PRKCH: variants seen among roughly 807,000 people sequenced by gnomAD.
PRKCH encodes the protein protein kinase C eta.
A neutral mutation model predicts 82.5 loss-of-function variants in PRKCH; 28 were observed. That is an observed-to-expected ratio of 0.34 (90% CI 0.25 to 0.47). The LOEUF (loss-of-function observed/expected upper bound fraction) is 0.47. Among genes scored for constraint, PRKCH ranks in the 20% least tolerant of loss-of-function variants. The probability of loss-of-function intolerance (pLI) is 1.00; values close to 1 mark genes in which losing one functional copy is unlikely to be tolerated. For synonymous variants in PRKCH, 322 were observed against 327.4 expected, an observed-to-expected ratio of 0.98 and a Z score of 0.18; for missense variants, 705 against 881.8, an observed-to-expected ratio of 0.80 and a Z score of 2.54.
intron 1 of PRKCH, among the ~76,000 whole-genome samples, chr14:61,341,831 A>G (rs116182845): frequency 0.014 from 2,155 of 152,272 alleles, 53 homozygotes; most frequent in African/African-American, 0.05. Flanking sequence ...ACAATGCTTA[A>G]GTGCTTTTTA....
chr14:61,267,794 T>C (rs1380843743), intron 1 of PRKCH, among the ~76,000 whole-genome samples: 1 of 152,202 alleles, frequency 6.6e-6, no homozygotes, highest in East Asian at 1.9e-4. Flanking sequence ...ATTTATTGAA[T>C]TTAAGATGTC....
At chr14:61,402,096 TG>T (rs1881654319) in intron 2 of PRKCH, among the ~76,000 whole-genome samples, 1 of 152,364 alleles carries the variant, frequency 6.6e-6, no homozygotes, top group East Asian at 1.9e-4. Flanking sequence ...TCTTTTCTCA[TG>T]AGTTTGTTGT....
At chr14:61,218,075 T>C (rs2044627544) in intron 1 of PRKCH, among the ~76,000 whole-genome samples, 1 of 152,224 alleles carries the variant, frequency 6.6e-6, no homozygotes, top group Non-Finnish European at 1.5e-5. Context: ...CATGCTTACC[T>C]TGACTTCTCT....
At chr14:61,375,091 C>T (rs571563298) in intron 1 of PRKCH, among the ~76,000 whole-genome samples, 7 of 152,170 alleles carry the variant, frequency 4.6e-5, no homozygotes, top group Non-Finnish European at 1.0e-4. Context: ...GGAATTTCTA[C>T]TGCCAGTTAC....
At chr14:61,314,191 C>CT (rs11392422) in intron 1 of PRKCH, among the ~76,000 whole-genome samples, 137,471 of 152,012 alleles carry the variant, frequency 0.9, 62,409 homozygotes, top group East Asian at 0.98. Context: ...TGTATGAAGT[C>CT]TTTTTTTGTG....
chr14:61,549,824 AAC>A lies in PRKCH; in HGVS notation c.2046_2047del (p.Gln682HisfsTer34). 2 of 1,613,928 alleles carry A rather than the reference AAC, an allele frequency of 1.2e-6. No homozygotes were observed. Among genetic ancestry groups the A allele is most frequent in the Non-Finnish European group, 8.5e-7 (1 of 1,179,966 alleles). The stretch of plus-strand genomic sequence containing the variant: ...TTTTCCTATGTGTCTCCAGAATTGC[AAC>A]CATAGCCTTATGGGGAGTGAGAGAG... On this transcript the variant is annotated frameshift_variant, in exon 14 of 14. Coordinates refer to ENST00000332981, the MANE Select transcript of PRKCH (RefSeq NM_006255.5). LOFTEE classifies it high-confidence loss of function.
intron 10 of PRKCH, among the ~76,000 whole-genome samples, chr14:61,515,967 T>A (rs985719783): frequency 2.0e-5 from 3 of 152,162 alleles, no homozygotes; most frequent in Non-Finnish European, 4.4e-5. Flanking sequence ...CAGGAACTGT[T>A]GTTATCTACA....
intron 1 of PRKCH, among the ~76,000 whole-genome samples, chr14:61,338,496 G>A (rs971410569): frequency 1.3e-5 from 2 of 152,032 alleles, no homozygotes; most frequent in Admixed American, 1.3e-4. Flanking sequence ...TGAATCCTAG[G>A]TTCCTCAAAC....
chr14:61,358,501 C>T (rs915554227), intron 1 of PRKCH, among the ~76,000 whole-genome samples: 2 of 152,132 alleles, frequency 1.3e-5, no homozygotes, highest in Non-Finnish European at 1.5e-5. Context: ...TCTTGATTCC[C>T]ATTACCACTA....
chr14:61,242,374 C>T (rs1469004329), intron 1 of PRKCH, among the ~76,000 whole-genome samples: 1 of 152,098 alleles, frequency 6.6e-6, no homozygotes, highest in Non-Finnish European at 1.5e-5. Flanking sequence ...TTTCAGCAGG[C>T]AATGCTTATT....
chr14:61,447,844 A>G (rs1263480310), intron 4 of PRKCH, among the ~76,000 whole-genome samples: 1 of 152,218 alleles, frequency 6.6e-6, no homozygotes, highest in African/African-American at 2.4e-5. Context: ...AGGAAAGTAG[A>G]AAGATCTAAA....
In PRKCH at chr14:61,405,228, GTC is replaced by G. The variant is rs1421086286; in HGVS notation, c.427+13942_427+13943del. On this transcript the variant is annotated intron_variant, in intron 2 of 13. Transcript: ENST00000332981. Reference sequence around the variant, plus strand: ...TAAGCATTAAAAGTTCAAATTGACTGTCTGGAAATCTATAACAAGTCCATGCA... The same window carrying G: ...TAAGCATTAAAAGTTCAAATTGACTGTGGAAATCTATAACAAGTCCATGCA... 1.2e-4 allele frequency among the ~76,000 whole-genome samples: 18 copies of G among 152,284 alleles called. 1 individual carries two copies. The East Asian group carries it at 3.5e-3, about 29-fold the overall frequency.
At chr14:61,342,288 A>G (rs1340836320) in intron 1 of PRKCH, among the ~76,000 whole-genome samples, 1 of 152,078 alleles carries the variant, frequency 6.6e-6, no homozygotes, top group Admixed American at 6.5e-5. Flanking sequence ...TAATATGATC[A>G]ACCTAACTCA....
chr14:61,289,374 C>G (rs192138302), intron 1 of PRKCH, among the ~76,000 whole-genome samples: 3 of 152,254 alleles, frequency 2.0e-5, no homozygotes, highest in Admixed American at 1.3e-4. Flanking sequence ...CTGTATTACT[C>G]CAGAAAATGA....
In PRKCH at chr14:61,290,299, G is replaced by GAA. The variant is rs200145873; in HGVS notation, c.-19+102642_-19+102643dup. ...AGAGAGAGACTCCATCTCAAAAAAA[G>GAA]AAAAAAAAAAAAGTAAGAATAATGT... is the stretch of plus-strand genomic sequence containing the variant. On this transcript the variant is annotated intron_variant, in intron 1 of 3. Coordinates refer to the PRKCH transcript ENST00000555185. Among the ~76,000 whole-genome samples, 249 of 140,260 alleles carry GAA rather than the reference G, an allele frequency of 1.8e-3. 2 individuals carry two copies. Among genetic ancestry groups the GAA allele is most frequent in the Middle Eastern group, 0.011 (3 of 276 alleles). The allele number at this position is 140,260 out of a possible 152,430, so 92.0% of individuals were successfully genotyped here.
At chr14:61,436,514 G>C (rs1418939937) in intron 2 of PRKCH, among the ~76,000 whole-genome samples, 1 of 152,096 alleles carries the variant, frequency 6.6e-6, no homozygotes, top group African/African-American at 2.4e-5. Flanking sequence ...GCCATTGAGG[G>C]GGCTTTTGCT....
At chr14:61,445,889 C>T (rs1392431127) in intron 4 of PRKCH, among the ~76,000 whole-genome samples, 163 bp downstream of exon 4, 1 of 151,194 alleles carries the variant, frequency 6.6e-6, no homozygotes, top group Non-Finnish European at 1.5e-5. Flanking sequence ...TTGGTGAGAT[C>T]TTGGCCATAT....
chr14:61,471,134 A>G (rs991790520), intron 9 of PRKCH, among the ~76,000 whole-genome samples: 1 of 152,264 alleles, frequency 6.6e-6, no homozygotes, highest in Non-Finnish European at 1.5e-5. Context: ...TCTGCTGTCT[A>G]TAGAAGGAGG....
At chr14:61,475,822 A>G (rs544925030) in intron 9 of PRKCH, among the ~76,000 whole-genome samples, 29 of 152,212 alleles carry the variant, frequency 1.9e-4, no homozygotes, top group Non-Finnish European at 3.5e-4. Context: ...AATCTAGTTA[A>G]CATTACCTTG....
Sources: allele counts gnomAD v4.1 joint callset (sites outside exome capture counted in the v4.1 genomes callset), GRCh38; gene constraint gnomAD v4.1.1; transcripts MANE v1.5; gene names NCBI Gene and HGNC (gene_info 2026-07-23, HGNC 2026-07-21).